Variants in NOX4 observed in about 807,000 individuals in gnomAD.
NOX4 encodes the protein NADPH oxidase 4.
NOX4 carries 69 observed loss-of-function variants against 87.6 expected under a neutral mutation model. That is an observed-to-expected ratio of 0.79 (90% CI 0.65 to 0.96). The LOEUF (loss-of-function observed/expected upper bound fraction) is 0.96. Ranked by LOEUF, NOX4 falls within the 40% of genes least tolerant of loss-of-function variation. NOX4 has a pLI of 0.00. For missense variants in NOX4, 680 were observed against 681.5 expected, an observed-to-expected ratio of 1.00 and a Z score of 0.02; for synonymous variants, 275 against 238.2, an observed-to-expected ratio of 1.15 and a Z score of -1.42.
chr11:89,570,986 A>G, the NOX4 span, among the ~76,000 whole-genome samples: 1 of 152,342 alleles, frequency 6.6e-6, no homozygotes, highest in South Asian at 2.1e-4. Context: ...TTAATCATAG[A>G]ATATGTATAC....
chr11:89,494,452 C>T (rs905774620), upstream of NOX4, among the ~76,000 whole-genome samples: 4 of 152,146 alleles, frequency 2.6e-5, no homozygotes, highest in African/African-American at 4.8e-5. Flanking sequence ...TTTAATTATA[C>T]GTATGTGTGT....
At chr11:89,561,050 C>CATACATAT in the NOX4 span, among the ~76,000 whole-genome samples, 2 of 28,550 alleles carry the variant, frequency 7.0e-5, no homozygotes, top group South Asian at 1.5e-3. Flanking sequence ...ATATATCATA[C>CATACATAT]ATATATATAT....
chr11:89,329,130 G>C (rs1378493507), intron 17 of NOX4, among the ~76,000 whole-genome samples: 1 of 151,886 alleles, frequency 6.6e-6, no homozygotes, highest in South Asian at 2.1e-4. Context: ...TTGAAGCAGT[G>C]ATGATACACA....
upstream of NOX4, chr11:89,492,327 T>G (rs1458325987): frequency 6.6e-6 from 1 of 152,204 alleles, no homozygotes; most frequent in East Asian, 1.9e-4. Context: ...CCAATAACTT[T>G]TCTAGATTTA....
intron 13 of NOX4, among the ~76,000 whole-genome samples, chr11:89,349,819 A>C (rs1435902479): frequency 6.6e-6 from 1 of 152,190 alleles, no homozygotes; most frequent in Non-Finnish European, 1.5e-5. Context: ...TTAATTGCCA[A>C]AATGGTTGCA....
chr11:89,479,348 A>G (rs558667846), intron 2 of NOX4, among the ~76,000 whole-genome samples: 2 of 152,338 alleles, frequency 1.3e-5, no homozygotes, highest in East Asian at 1.9e-4. Context: ...TTAGCTTTCT[A>G]TGATCACATT....
chr11:89,518,377 G>GA, the NOX4 span, among the ~76,000 whole-genome samples: 81,562 of 151,342 alleles, frequency 0.54, 23,038 homozygotes, highest in African/African-American at 0.71. Context: ...AAGTCTTGGG[G>GA]GGGGGACAAA....
chr11:89,327,317 A>G (rs1565162164), intron 17 of NOX4, among the ~76,000 whole-genome samples: 1 of 152,212 alleles, frequency 6.6e-6, no homozygotes, highest in Non-Finnish European at 1.5e-5. Context: ...GTTATCTAAA[A>G]TTCCTACACG....
chr11:89,548,907 A>G, the NOX4 span: 1 of 152,158 alleles, frequency 6.6e-6, no homozygotes, highest in Non-Finnish European at 1.5e-5. Context: ...GACTCACCCC[A>G]TCCCACTGGA....
At chr11:89,457,252 G>T (rs1385511447) in intron 2 of NOX4, among the ~76,000 whole-genome samples, 1 of 152,192 alleles carries the variant, frequency 6.6e-6, no homozygotes, top group South Asian at 2.1e-4. Flanking sequence ...AGAGCTAACT[G>T]TCCAAACCCT....
chr11:89,573,668 G>A, the NOX4 span, among the ~76,000 whole-genome samples: 1 of 152,158 alleles, frequency 6.6e-6, no homozygotes, highest in East Asian at 1.9e-4. Context: ...AGAAAAAGAG[G>A]AAGTTTCAGA....
chr11:89,464,794 T>G (rs1945606034), intron 2 of NOX4, among the ~76,000 whole-genome samples: 1 of 152,172 alleles, frequency 6.6e-6, no homozygotes, highest in Non-Finnish European at 1.5e-5. Flanking sequence ...ACAAATAGAT[T>G]TAAAATGAGG....
chr11:89,477,841 T>C (rs960383871), intron 2 of NOX4, among the ~76,000 whole-genome samples: 9 of 152,160 alleles, frequency 5.9e-5, no homozygotes. Flanking sequence ...TGGAAAACAA[T>C]TAACTGTGAG....
intron 12 of NOX4, among the ~76,000 whole-genome samples, chr11:89,368,679 T>A (rs959540750): frequency 1.3e-5 from 2 of 152,054 alleles, no homozygotes; most frequent in Non-Finnish European, 2.9e-5. Flanking sequence ...TATTATCATA[T>A]TGGTGATTAA....
intron 2 of NOX4, among the ~76,000 whole-genome samples, chr11:89,457,377 G>C (rs987575774): frequency 4.6e-5 from 7 of 152,162 alleles, no homozygotes; most frequent in African/African-American, 1.7e-4. Context: ...ACTGCCATAG[G>C]CATGAGCATA....
At chr11:89,424,373 C>A (rs1244121623) in intron 7 of NOX4, among the ~76,000 whole-genome samples, 1 of 149,384 alleles carries the variant, frequency 6.7e-6, no homozygotes, top group Admixed American at 6.6e-5. Flanking sequence ...CTAATAATTA[C>A]CATTATTTCC....
the NOX4 span, among the ~76,000 whole-genome samples, chr11:89,576,372 C>A: frequency 6.6e-6 from 1 of 152,122 alleles, no homozygotes; most frequent in Non-Finnish European, 1.5e-5. Context: ...CATAACATGA[C>A]CTAGAATCCT....
At chr11:89,415,975 C>G (rs7933900) in intron 8 of NOX4, among the ~76,000 whole-genome samples, 52,532 of 151,932 alleles carry the variant, frequency 0.35, 9,424 homozygotes, top group East Asian at 0.56. Context: ...GGTTCTGTTT[C>G]TCAAATACAC....
At chr11:89,372,949 A>C (rs1045354243) in intron 12 of NOX4, among the ~76,000 whole-genome samples, 5 of 151,922 alleles carry the variant, frequency 3.3e-5, no homozygotes, top group African/African-American at 9.7e-5. Context: ...AAGACAAGTA[A>C]AGTATCACCA....
Sources: gnomAD v4.1 joint callset for allele counts (sites outside exome capture counted in the v4.1 genomes callset) on GRCh38, gnomAD v4.1.1 for gene constraint, MANE v1.5 for transcripts, NCBI Gene and HGNC (gene_info 2026-07-23, HGNC 2026-07-21) for gene names.